The following TENM3 variants were observed in gnomAD, a reference collection of about 807,000 sequenced individuals.
TENM3 encodes teneurin-3.
TENM3 carries 63 observed loss-of-function variants against 255.1 expected under a neutral mutation model. The observed-to-expected ratio is 0.25, with a 90% CI of 0.20 to 0.30. TENM3 has a LOEUF of 0.30. TENM3 is among the 10% of genes least tolerant of loss of function. The probability of loss-of-function intolerance (pLI) is 1.00; values close to 1 mark genes in which losing one functional copy is unlikely to be tolerated. For synonymous variants in TENM3, 1,306 were observed against 1,322.3 expected (o/e 0.99, Z 0.27); for missense variants, 2,929 against 3,461.1 (o/e 0.85, Z 3.86).
At chr4:182,418,649 C>G (rs970565083) in intron 3 of TENM3, among the ~76,000 whole-genome samples, 1 of 152,174 alleles carries the variant, frequency 6.6e-6, no homozygotes, top group African/African-American at 2.4e-5. Flanking sequence ...CAGCCTCGAC[C>G]TCCCCGTGCT....
the TENM3 span, among the ~76,000 whole-genome samples, chr4:181,964,663 AT>A: frequency 2.6e-5 from 4 of 152,152 alleles, no homozygotes; most frequent in African/African-American, 9.7e-5. Flanking sequence ...CTTCTCGTCT[AT>A]ATGACATTAT....
At chr4:182,138,456 C>A in the TENM3 span, among the ~76,000 whole-genome samples, 2 of 152,154 alleles carry the variant, frequency 1.3e-5, no homozygotes, top group African/African-American at 4.8e-5. Context: ...ACAGGCTCTG[C>A]GCTTCAGTTG....
intron 7 of TENM3, among the ~76,000 whole-genome samples, chr4:182,677,523 A>G (rs1014239372): frequency 6.6e-6 from 1 of 152,204 alleles, no homozygotes; most frequent in Non-Finnish European, 1.5e-5. Context: ...TGATGAGGAA[A>G]TGAATGGCTT....
At chr4:181,938,512 C>T in the TENM3 span, among the ~76,000 whole-genome samples, 2 of 152,306 alleles carry the variant, frequency 1.3e-5, no homozygotes, top group Admixed American at 6.5e-5. Flanking sequence ...GTTCACTTTT[C>T]GTTGTCCACT....
intron 1 of TENM3, among the ~76,000 whole-genome samples, chr4:182,270,963 G>A (rs566562044): frequency 5.3e-5 from 8 of 152,228 alleles, no homozygotes; most frequent in East Asian, 1.9e-4. Context: ...AAAAATAAGC[G>A]TCACACAAGC....
At chr4:181,590,276 G>A in the TENM3 span, among the ~76,000 whole-genome samples, 4 of 152,226 alleles carry the variant, frequency 2.6e-5, no homozygotes, top group South Asian at 6.2e-4. Flanking sequence ...CTGGGAAAAA[G>A]CATCAGTGGA....
At chr4:181,842,572 A>G in the TENM3 span, among the ~76,000 whole-genome samples, 1 of 152,208 alleles carries the variant, frequency 6.6e-6, no homozygotes, top group Non-Finnish European at 1.5e-5. Context: ...TGTGAAGCTC[A>G]GTAGCAGCAA....
intron 5 of TENM3, among the ~76,000 whole-genome samples, chr4:182,652,925 T>G (rs1581220216): frequency 6.6e-6 from 1 of 152,184 alleles, no homozygotes. Flanking sequence ...ATTAGGTGAG[T>G]ATGACAGCGA....
intron 3 of TENM3, among the ~76,000 whole-genome samples, chr4:182,424,579 A>G (rs1771069253): frequency 2.0e-5 from 3 of 152,140 alleles, no homozygotes. Context: ...CATGTTTAAT[A>G]TGAGGACTTT....
chr4:181,592,164 T>G, the TENM3 span, among the ~76,000 whole-genome samples: 1 of 151,916 alleles, frequency 6.6e-6, no homozygotes, highest in Admixed American at 6.6e-5. Context: ...GTTGCGTGGG[T>G]GCATACATAA....
At chr4:182,702,442 TTTC>T (rs1757945351) in intron 12 of TENM3, among the ~76,000 whole-genome samples, 1 of 152,214 alleles carries the variant, frequency 6.6e-6, no homozygotes, top group African/African-American at 2.4e-5. Flanking sequence ...GACTTTTTCT[TTTC>T]TTCATAGTCA....
intron 1 of TENM3, among the ~76,000 whole-genome samples, chr4:182,232,820 G>A (rs574471912): frequency 6.6e-6 from 1 of 152,252 alleles, no homozygotes; most frequent in South Asian, 2.1e-4. Context: ...TTCCTATACT[G>A]TAATGGGTGG....
At chr4:181,924,529 AT>A in the TENM3 span, among the ~76,000 whole-genome samples, 1 of 152,228 alleles carries the variant, frequency 6.6e-6, no homozygotes, top group Non-Finnish European at 1.5e-5. Flanking sequence ...TATTTGGAAT[AT>A]TATGTTATGC....
At chr4:182,250,026 G>A (rs536222595) in intron 1 of TENM3, among the ~76,000 whole-genome samples, 1 of 150,802 alleles carries the variant, frequency 6.6e-6, no homozygotes, top group East Asian at 2.0e-4. Context: ...GCACTGTTCT[G>A]GTCATTTTTC....
chr4:182,258,857 G>C (rs548225053), intron 1 of TENM3, among the ~76,000 whole-genome samples: 6 of 152,202 alleles, frequency 3.9e-5, no homozygotes, highest in Non-Finnish European at 8.8e-5. Flanking sequence ...ACATCAGTCT[G>C]AGAAGGACAA....
At chr4:182,568,268 A>G (rs752258491) in intron 3 of TENM3, among the ~76,000 whole-genome samples, 42 of 152,152 alleles carry the variant, frequency 2.8e-4, no homozygotes, top group Non-Finnish European at 5.1e-4. Context: ...CCCTCAACAC[A>G]TTTTGAGCTC....
chr4:181,858,678 G>T, the TENM3 span, among the ~76,000 whole-genome samples: 2 of 152,154 alleles, frequency 1.3e-5, no homozygotes, highest in African/African-American at 4.8e-5. Flanking sequence ...GATGGAGGAG[G>T]GGAGCACCCC....
At chr4:182,092,451 C>T in the TENM3 span, among the ~76,000 whole-genome samples, 1 of 152,122 alleles carries the variant, frequency 6.6e-6, no homozygotes, top group South Asian at 2.1e-4. Flanking sequence ...AGTTCAAGGC[C>T]AGCCTGAGCA....
the TENM3 span, among the ~76,000 whole-genome samples, chr4:181,697,635 G>A: frequency 1.3e-5 from 2 of 151,932 alleles, no homozygotes; most frequent in African/African-American, 2.4e-5. Flanking sequence ...CTCGTGATCC[G>A]CCTGCCTTGG....
Sources: allele counts gnomAD v4.1 joint callset (sites outside exome capture counted in the v4.1 genomes callset), GRCh38; gene constraint gnomAD v4.1.1; transcripts MANE v1.5; gene names NCBI Gene and HGNC (gene_info 2026-07-23, HGNC 2026-07-21).